The following ITGA9 variants were observed in gnomAD, a reference collection of about 807,000 sequenced individuals.
ITGA9 encodes the protein integrin subunit alpha 9.
A neutral mutation model predicts 127.8 loss-of-function variants in ITGA9; 56 were observed. The observed-to-expected ratio is 0.44, with a 90% CI of 0.35 to 0.55. The LOEUF is 0.55. Ranked by LOEUF, ITGA9 falls within the 20% of genes least tolerant of loss-of-function variation. The pLI is 0.00. For missense variants in ITGA9, 1,196 were observed against 1,347.1 expected, an observed-to-expected ratio of 0.89 and a Z score of 1.76; for synonymous variants, 508 against 514.5, an observed-to-expected ratio of 0.99 and a Z score of 0.17.
At chr3:37,601,138 G>A (rs527473619) in intron 15 of ITGA9, among the ~76,000 whole-genome samples, 2 of 152,272 alleles carry the variant, frequency 1.3e-5, no homozygotes, top group East Asian at 1.9e-4. Flanking sequence ...TGAGATTCTA[G>A]ACTCCTTTCC....
chr3:37,482,341 C>T (rs945773180), intron 4 of ITGA9, among the ~76,000 whole-genome samples: 18 of 152,216 alleles, frequency 1.2e-4, no homozygotes, highest in African/African-American at 4.1e-4. Context: ...CCTTCAAATG[C>T]CTGGGCATCG....
intron 2 of ITGA9, 102 bp downstream of exon 2, chr3:37,471,236 T>C: frequency 1.6e-6 from 2 of 1,222,064 alleles, no homozygotes; most frequent in Admixed American, 3.4e-5. Flanking sequence ...CCATCCATCC[T>C]TCCCTCCTTC....
At chr3:37,812,596 G>A (rs1243913755) in intron 27 of ITGA9, among the ~76,000 whole-genome samples, 2 of 152,246 alleles carry the variant, frequency 1.3e-5, no homozygotes, top group Non-Finnish European at 2.9e-5. Context: ...ATGGTTATAT[G>A]AGAAAATTGT....
At chr3:37,792,218 T>G (rs538335454) in intron 26 of ITGA9, among the ~76,000 whole-genome samples, 22 of 152,338 alleles carry the variant, frequency 1.4e-4, no homozygotes, top group African/African-American at 5.1e-4. Flanking sequence ...CATCATTTGC[T>G]TATTTGTTTG....
At chr3:37,783,155 C>T (rs1035431935) in intron 25 of ITGA9, among the ~76,000 whole-genome samples, 11 of 151,888 alleles carry the variant, frequency 7.2e-5, no homozygotes, top group African/African-American at 1.7e-4. Flanking sequence ...AAAAAATCAC[C>T]GTAGGATTCG....
chr3:37,506,151 C>T, intron 7 of ITGA9, 66 bp downstream of exon 7: 3 of 1,215,972 alleles, frequency 2.5e-6, no homozygotes, highest in South Asian at 1.3e-5. Context: ...GTCCCTGGTG[C>T]AGAGGTTTGC....
chr3:37,543,568 A>G (rs1699297015), intron 15 of ITGA9, among the ~76,000 whole-genome samples: 1 of 152,254 alleles, frequency 6.6e-6, no homozygotes, highest in Non-Finnish European at 1.5e-5. Context: ...TGGGCTGTAT[A>G]TAATTGCCAA....
intron 17 of ITGA9, among the ~76,000 whole-genome samples, chr3:37,674,580 G>A (rs905019200): frequency 6.6e-6 from 1 of 152,162 alleles, no homozygotes; most frequent in African/African-American, 2.4e-5. Flanking sequence ...GTGGTATCTT[G>A]TGTGTTTCCT....
At chr3:37,653,567 G>A (rs1700448725) in intron 16 of ITGA9, 147 bp from the exon 17 acceptor site, 1 of 752,344 alleles carries the variant, frequency 1.3e-6, no homozygotes, top group Non-Finnish European at 2.4e-6. Context: ...TTCCCACGCT[G>A]GAGAGCTGGC....
intron 15 of ITGA9, among the ~76,000 whole-genome samples, chr3:37,602,956 G>A (rs1292329112): frequency 6.6e-6 from 1 of 152,196 alleles, no homozygotes; most frequent in African/African-American, 2.4e-5. Flanking sequence ...TTCTGTGAGG[G>A]TGGAACACCT....
In ITGA9 at chr3:37,782,885, A is replaced by C. The variant is rs1696992939; in HGVS notation, c.2788-2092A>C. 3.3e-5 allele frequency among the ~76,000 whole-genome samples: 5 copies of C among 152,218 alleles called. No individual in the cohort carries two copies. In the South Asian group the frequency reaches 1.0e-3, roughly 32 times the overall value. On this transcript the variant is annotated intron_variant, in intron 25 of 27. Transcript: ENST00000264741. ...CCGGGCGCAGTGGCTCACGCCTGTA[A>C]TCCCAGCACTTTGGGAGGCTGAGGT... is the stretch of plus-strand genomic sequence containing the variant.
intron 2 of ITGA9, among the ~76,000 whole-genome samples, chr3:37,473,136 C>CAAAAAAAAAAAAAAAAAAAAAAAAA (rs36109791): frequency 1.4e-5 from 1 of 70,776 alleles, no homozygotes. Flanking sequence ...GAGACTGTCT[C>CAAAAAAAAAAAAAAAAAAAAAAAAA]AAAAAAAAAA....
At chr3:37,694,810 T>G (rs900696781) in intron 18 of ITGA9, among the ~76,000 whole-genome samples, 1 of 152,176 alleles carries the variant, frequency 6.6e-6, no homozygotes, top group Non-Finnish European at 1.5e-5. Flanking sequence ...ACAGCATCTC[T>G]TGAAAAGAAA....
chr3:37,576,616 T>C (rs1699656408), intron 15 of ITGA9, among the ~76,000 whole-genome samples: 1 of 152,154 alleles, frequency 6.6e-6, no homozygotes, highest in African/African-American at 2.4e-5. Flanking sequence ...TCAACCATAA[T>C]GTGTTTTTGA....
chr3:37,780,118 G>T, intron 25 of ITGA9, 97 bp downstream of exon 25: 1 of 1,435,278 alleles, frequency 7.0e-7, no homozygotes, highest in Non-Finnish European at 9.7e-7. Flanking sequence ...GAAAGCATTT[G>T]AATTGGTGTC....
chr3:37,625,337 C>A (rs1156642304), intron 15 of ITGA9, among the ~76,000 whole-genome samples: 1 of 152,180 alleles, frequency 6.6e-6, no homozygotes, highest in Non-Finnish European at 1.5e-5. Context: ...TCCCTGTGGC[C>A]CAGCACATTG....
chr3:37,645,165 T>C (rs1375037883), intron 16 of ITGA9, among the ~76,000 whole-genome samples: 6 of 152,170 alleles, frequency 3.9e-5, no homozygotes, highest in Non-Finnish European at 8.8e-5. Context: ...TGGAAACTTG[T>C]GTGGGGCTAT....
chr3:37,778,854 T>C (rs1246387319), intron 24 of ITGA9, among the ~76,000 whole-genome samples: 1 of 149,814 alleles, frequency 6.7e-6, no homozygotes. Context: ...GGTGACTGTT[T>C]GCCACTTGAA....
chr3:37,586,261 G>T (rs969980367), intron 15 of ITGA9, among the ~76,000 whole-genome samples: 4 of 152,316 alleles, frequency 2.6e-5, no homozygotes, highest in African/African-American at 9.6e-5. Flanking sequence ...AAAGCCCCAA[G>T]CAAACAGCCT....
Sources: allele counts gnomAD v4.1 joint callset (sites outside exome capture counted in the v4.1 genomes callset), GRCh38; gene constraint gnomAD v4.1.1; transcripts MANE v1.5; gene names NCBI Gene and HGNC (gene_info 2026-07-23, HGNC 2026-07-21).